Variants in MYO16 observed in about 807,000 individuals in gnomAD.
The protein encoded by MYO16 is myosin XVI, also known as unconventional myosin-XVI.
In MYO16, 94 loss-of-function variants were observed where a neutral mutation model predicts 205.3. That is an observed-to-expected ratio of 0.46 (90% CI 0.39 to 0.54). MYO16 has a LOEUF of 0.54. MYO16 is among the 20% of genes least tolerant of loss of function. The pLI, the probability that MYO16 is intolerant of heterozygous loss-of-function variation, is 0.00. For synonymous variants in MYO16, 988 were observed against 954.0 expected, an observed-to-expected ratio of 1.04 and a Z score of -0.66; for missense variants, 2,315 against 2,387.5, an observed-to-expected ratio of 0.97 and a Z score of 0.63.
chr13:108,603,883 T>A (rs925259489), intron 1 of MYO16, among the ~76,000 whole-genome samples: 1 of 152,170 alleles, frequency 6.6e-6, no homozygotes, highest in Non-Finnish European at 1.5e-5. Context: ...ATAAATATAT[T>A]GAGTGCCTGT....
intron 7 of MYO16, among the ~76,000 whole-genome samples, chr13:108,816,789 A>G (rs2082256): frequency 0.85 from 129,306 of 152,168 alleles, 58,820 homozygotes; most frequent in Non-Finnish European, 1. Context: ...CCTGAACACC[A>G]CTTGGTCTCT....
At chr13:108,833,320 C>A (rs545671562) in intron 9 of MYO16, among the ~76,000 whole-genome samples, 23 of 150,996 alleles carry the variant, frequency 1.5e-4, no homozygotes, top group African/African-American at 5.6e-4. Context: ...TAATTCAAAT[C>A]TCTCCAAGAG....
At chr13:108,589,822 C>A in the MYO16 span, among the ~76,000 whole-genome samples, 13 of 152,116 alleles carry the variant, frequency 8.5e-5, no homozygotes, top group Non-Finnish European at 1.8e-4. Context: ...AAGAATAGTT[C>A]AAAAACAGTT....
At chr13:109,112,062 C>A (rs149704856) in intron 28 of MYO16, among the ~76,000 whole-genome samples, 1 of 152,244 alleles carries the variant, frequency 6.6e-6, no homozygotes, top group African/African-American at 2.4e-5. Flanking sequence ...AGTGAAAACT[C>A]CATTCATAAG....
chr13:108,844,570 A>G, intron 10 of MYO16, 77 bp downstream of exon 10: 1 of 1,402,230 alleles, frequency 7.1e-7, no homozygotes, highest in South Asian at 1.6e-5. Context: ...ACATATTTCA[A>G]AAACAAATGC....
intron 4 of MYO16, among the ~76,000 whole-genome samples, chr13:108,729,798 AT>A (rs200202497): frequency 0.021 from 3,146 of 152,274 alleles, 104 homozygotes; most frequent in African/African-American, 0.07. Context: ...TCCATTCTGA[AT>A]GTAGCAGTTT....
At chr13:108,602,931 C>G (rs1032585208) in intron 1 of MYO16, among the ~76,000 whole-genome samples, 3 of 152,130 alleles carry the variant, frequency 2.0e-5, no homozygotes, top group Non-Finnish European at 2.9e-5. Context: ...ATTGAGGGAA[C>G]ATTCCTGGAG....
the MYO16 span, among the ~76,000 whole-genome samples, chr13:108,555,440 C>G: frequency 6.6e-6 from 1 of 152,132 alleles, no homozygotes; most frequent in Admixed American, 6.5e-5. Flanking sequence ...CACTCTTTAA[C>G]AGGTATTTAT....
At chr13:109,122,620 G>C (rs1438739563) in intron 29 of MYO16, among the ~76,000 whole-genome samples, 1 of 151,350 alleles carries the variant, frequency 6.6e-6, no homozygotes, top group African/African-American at 2.4e-5. Context: ...AGAGGTTGCG[G>C]TGAGCCAAGA....
chr13:108,600,608 G>T (rs2139298820), intron 1 of MYO16, among the ~76,000 whole-genome samples: 1 of 152,216 alleles, frequency 6.6e-6, no homozygotes, highest in Non-Finnish European at 1.5e-5. Flanking sequence ...AAAAACAAAA[G>T]GTAAATGGTG....
At chr13:108,758,839 A>G (rs1050265248) in intron 4 of MYO16, among the ~76,000 whole-genome samples, 16 of 152,190 alleles carry the variant, frequency 1.1e-4, no homozygotes, top group Non-Finnish European at 1.9e-4. Flanking sequence ...GAGGACTCGG[A>G]AAAATACGTG....
the MYO16 span, among the ~76,000 whole-genome samples, chr13:108,534,340 C>G: frequency 6.6e-6 from 1 of 152,136 alleles, no homozygotes; most frequent in Admixed American, 6.5e-5. Flanking sequence ...CCTAAAGCTT[C>G]TAGGGAAAGC....
chr13:109,045,468 T>G (rs1402740763), intron 23 of MYO16, among the ~76,000 whole-genome samples: 1 of 152,224 alleles, frequency 6.6e-6, no homozygotes, highest in African/African-American at 2.4e-5. Context: ...CTAAGCCATG[T>G]GGTGGCACAA....
intron 17 of MYO16, among the ~76,000 whole-genome samples, chr13:108,958,161 AT>A (rs1883450759): frequency 6.8e-6 from 1 of 147,798 alleles, no homozygotes; most frequent in African/African-American, 2.4e-5. Context: ...ATAATATATC[AT>A]TTTAAAATAT....
At chr13:108,781,334 G>A (rs1245383923) in intron 4 of MYO16, among the ~76,000 whole-genome samples, 1 of 152,236 alleles carries the variant, frequency 6.6e-6, no homozygotes, top group Non-Finnish European at 1.5e-5. Flanking sequence ...AGCCTATGCT[G>A]AGGTCTGAGG....
chr13:108,548,735 A>G, the MYO16 span, among the ~76,000 whole-genome samples: 1 of 152,124 alleles, frequency 6.6e-6, no homozygotes, highest in Non-Finnish European at 1.5e-5. Context: ...TAGATATATC[A>G]ATAAATACAC....
At chr13:108,622,631 A>AAGAGAAAAGACAGGGAG (rs1416762307) in intron 1 of MYO16, among the ~76,000 whole-genome samples, 4 of 139,278 alleles carry the variant, frequency 2.9e-5, no homozygotes, top group Non-Finnish European at 3.1e-5. Flanking sequence ...AGGAAGAGAA[A>AAGAGAAAAGACAGGGAG]AGGAGGAGGG....
chr13:108,588,735 C>T, the MYO16 span, among the ~76,000 whole-genome samples: 1 of 152,074 alleles, frequency 6.6e-6, no homozygotes, highest in Non-Finnish European at 1.5e-5. Context: ...CAAGGCGTGA[C>T]ATACACTGTT....
chr13:108,775,667 T>G (rs966216641), intron 4 of MYO16, among the ~76,000 whole-genome samples: 4 of 152,212 alleles, frequency 2.6e-5, no homozygotes, highest in Admixed American at 2.6e-4. Context: ...CATCAGCTCC[T>G]TAGTTCCAGT....
Sources: gnomAD v4.1 joint callset for allele counts (sites outside exome capture counted in the v4.1 genomes callset) on GRCh38, gnomAD v4.1.1 for gene constraint, MANE v1.5 for transcripts, NCBI Gene and HGNC (gene_info 2026-07-23, HGNC 2026-07-21) for gene names.